The following ATG16L1 variants were observed in gnomAD, a reference collection of about 807,000 sequenced individuals.
ATG16L1 encodes autophagy-related protein 16-1.
A neutral mutation model predicts 88.5 loss-of-function variants in ATG16L1; 37 were observed. The ratio of observed to expected loss-of-function variants is 0.42; its 90% CI spans 0.32 to 0.55. ATG16L1 has a LOEUF of 0.55. ATG16L1 is among the 20% of genes least tolerant of loss of function. ATG16L1 has a pLI of 0.13. For missense variants in ATG16L1, 554 were observed against 752.8 expected, an observed-to-expected ratio of 0.74 and a Z score of 3.09; for synonymous variants, 301 against 281.0, an observed-to-expected ratio of 1.07 and a Z score of -0.71.
At chr2:233,255,982 C>T in intron 1 of ATG16L1, 120 bp from the exon 2 acceptor site, 1 of 735,846 alleles carries the variant, frequency 1.4e-6, no homozygotes, top group Non-Finnish European at 2.2e-6. Context: ...CTGTAGGTTA[C>T]TGTGGCTGAG....
chr2:233,272,982 G>T lies in ATG16L1; in HGVS notation c.724G>T (p.Val242Phe). The change falls in exon 7 of 18, where the codon GTC (valine) becomes TTC (phenylalanine). Residue 242 changes from valine to phenylalanine, a missense_variant. By Grantham distance (50) the Val-to-Phe change is conservative. Coordinates refer to ENST00000392017, the MANE Select transcript of ATG16L1 (RefSeq NM_030803.7). ...TCTTTCCAGGGATGATGACATTGAG[G>T]TCATTGTGGATGAAACTTCTGATCA... ...LPVEQDDDIE[V>F]IVDETSDHTE... 1 of 1,613,982 alleles carries T rather than the reference G, an allele frequency of 6.2e-7. No individual in the cohort carries two copies. Among genetic ancestry groups the T allele is most frequent in the Non-Finnish European group, 8.5e-7 (1 of 1,179,890 alleles).
rs1259995909 is a variant in ATG16L1 at position 233,273,060 on chromosome 2, G to A, written c.794+8G>A. 2.5e-6 allele frequency: 4 copies of A among 1,612,522 alleles called. No homozygotes were observed. In the Admixed American group the frequency reaches 6.7e-5, roughly 27 times the overall value. ...CATCAGCAGAGCAGCCACGTAAGTAGGCAGGTTTGGGCCAGGGAAAAGACA... is the reference window on the plus strand; with the variant it reads ...CATCAGCAGAGCAGCCACGTAAGTAAGCAGGTTTGGGCCAGGGAAAAGACA... On this transcript the variant is annotated splice_region_variant and intron_variant, in intron 7 of 17. Coordinates refer to ENST00000392017, the MANE Select transcript of ATG16L1 (RefSeq NM_030803.7).
chr2:233,278,163 TG>T (rs1270676312), intron 10 of ATG16L1, among the ~76,000 whole-genome samples: 1 of 152,226 alleles, frequency 6.6e-6, no homozygotes, highest in African/African-American at 2.4e-5. Flanking sequence ...CTAGAAAAGA[TG>T]TATTTAACAG....
intron 1 of ATG16L1, among the ~76,000 whole-genome samples, chr2:233,255,189 C>A (rs1470107334): frequency 1.3e-5 from 2 of 152,164 alleles, no homozygotes; most frequent in Non-Finnish European, 2.9e-5. Flanking sequence ...TGTTCTCGAA[C>A]TCCTGACCTC....
intron 9 of ATG16L1, chr2:233,275,482 C>G (rs1698283918): frequency 8.6e-6 from 3 of 347,416 alleles, no homozygotes; most frequent in Non-Finnish European, 5.7e-6. Flanking sequence ...GTGAAAGGAG[C>G]CAGCTTTCAA....
chr2:233,251,847 C>A lies in ATG16L1; in HGVS notation c.20C>A (p.Ala7Asp). ...AGTGACATGTCGTCGGGCCTCCGCG[C>A]CGCTGACTTCCCCCGCTGGAAGCGC... MSSGLR[A>D]ADFPRWKRHI... Residue 7 changes from alanine (A) to aspartate (D), a missense_variant, in exon 1 of 18, where the codon GCC becomes GAC. By Grantham distance (126) the Ala-to-Asp change is moderately radical. Transcript: ENST00000392017. 1 of 1,549,946 alleles carries A rather than the reference C, an allele frequency of 6.5e-7. No individual in the cohort carries two copies. Among genetic ancestry groups the A allele is most frequent in the Non-Finnish European group, 8.7e-7 (1 of 1,146,946 alleles).
intron 12 of ATG16L1, among the ~76,000 whole-genome samples, 157 bp from the exon 13 acceptor site, chr2:233,289,697 C>G (rs1699329947): frequency 6.6e-6 from 1 of 152,176 alleles, no homozygotes; most frequent in Non-Finnish European, 1.5e-5. Flanking sequence ...TGACCTGTTT[C>G]TTTTTCCTTT....
intron 2 of ATG16L1, among the ~76,000 whole-genome samples, chr2:233,256,895 T>C (rs1233320465): frequency 6.6e-6 from 1 of 151,118 alleles, no homozygotes; most frequent in East Asian, 2.0e-4. Context: ...AGAGGCAGGG[T>C]TTCACCATGT....
intron 10 of ATG16L1, 43 bp from the exon 11 acceptor site, chr2:233,281,062 T>C: frequency 7.4e-7 from 1 of 1,349,756 alleles, no homozygotes; most frequent in South Asian, 1.3e-5. Context: ...ATTTATTGGC[T>C]TTATTTAACT....
intron 2 of ATG16L1, among the ~76,000 whole-genome samples, chr2:233,256,433 G>A (rs947596909): frequency 3.3e-5 from 5 of 152,202 alleles, no homozygotes; most frequent in African/African-American, 4.8e-5. Flanking sequence ...TCTTAAGGCA[G>A]GTTCACGTGG....
intron 9 of ATG16L1, chr2:233,275,494 G>T: frequency 2.9e-6 from 1 of 349,512 alleles, no homozygotes; most frequent in South Asian, 2.2e-5. Flanking sequence ...AGCTTTCAAA[G>T]CAGGGAAGAT....
At chr2:233,280,987 C>T (rs1471322273) in intron 10 of ATG16L1, 118 bp from the exon 11 acceptor site, 10 of 616,606 alleles carry the variant, frequency 1.6e-5, no homozygotes, top group Admixed American at 3.5e-5. Flanking sequence ...TGTAAAGGTA[C>T]AGGATAGCTA....
intron 2 of ATG16L1, 130 bp downstream of exon 2, chr2:233,256,325 A>G: frequency 1.3e-6 from 1 of 749,282 alleles, no homozygotes; most frequent in East Asian, 2.7e-5. Flanking sequence ...AGCTCCTTTC[A>G]AATAAGAACT....
intron 2 of ATG16L1, among the ~76,000 whole-genome samples, chr2:233,261,714 A>G (rs1207842051): frequency 2.0e-5 from 3 of 152,088 alleles, no homozygotes; most frequent in Non-Finnish European, 4.4e-5. Flanking sequence ...TCCATCTACA[A>G]GCTTTCCCTA....
Position 233,252,710 on chromosome 2 carries a change from A to G in ATG16L1, c.115+768A>G, listed in dbSNP as rs142802807. On this transcript the variant is annotated intron_variant, in intron 1 of 17. Coordinates refer to ENST00000392017, the MANE Select transcript of ATG16L1 (RefSeq NM_030803.7). ...GCCCCACCTTGGTGTTAATATCGTA[A>G]TATCTTTTAGGCGGGACAGAACCTT... Among the ~76,000 whole-genome samples the G allele has an allele frequency of 3.4e-4, 51 of 152,090 alleles. 1 individual carries two copies. In the East Asian group the frequency reaches 8.5e-3, roughly 25 times the overall value.
intron 2 of ATG16L1, among the ~76,000 whole-genome samples, chr2:233,259,609 G>A (rs557522474): frequency 5.0e-4 from 76 of 152,292 alleles, no homozygotes; most frequent in South Asian, 2.9e-3. Flanking sequence ...AGGTTGAACG[G>A]TGGGCTTCAT....
chr2:233,282,657 G>A lies in ATG16L1; in HGVS notation c.1132-25G>A, dbSNP rs772865346. ...ATTCCTCTGATTTGGCTAAAAATTGGTTTTCCTCTTCTTTATTCCCACAGG... is the reference window on the plus strand; with the variant it reads ...ATTCCTCTGATTTGGCTAAAAATTGATTTTCCTCTTCTTTATTCCCACAGG... On this transcript the variant is annotated intron_variant, in intron 11 of 17. Coordinates refer to ENST00000392017, the MANE Select transcript of ATG16L1 (RefSeq NM_030803.7). 31 of 1,610,168 alleles carry A rather than the reference G, an allele frequency of 1.9e-5. No individual in the cohort carries two copies. In the South Asian group the frequency reaches 3.2e-4, roughly 17 times the overall value.
chr2:233,289,756 ACAC>A, intron 12 of ATG16L1, 95 bp from the exon 13 acceptor site: 12 of 1,506,802 alleles, frequency 8.0e-6, no homozygotes, highest in Non-Finnish European at 1.1e-5. Context: ...GGGTGGTCTG[ACAC>A]TCTGACTCTG....
intron 13 of ATG16L1, 135 bp downstream of exon 13, chr2:233,290,109 A>T: frequency 6.6e-7 from 1 of 1,506,150 alleles, no homozygotes; most frequent in Admixed American, 1.8e-5. Flanking sequence ...AGGGGCACTG[A>T]GGATAGTGAT....
Sources: allele counts gnomAD v4.1 joint callset (sites outside exome capture counted in the v4.1 genomes callset), GRCh38; gene constraint gnomAD v4.1.1; transcripts MANE v1.5; gene names NCBI Gene and HGNC (gene_info 2026-07-23, HGNC 2026-07-21).